Variants in NTNG1 observed in about 807,000 individuals in gnomAD.
NTNG1 encodes netrin-G1.
A neutral mutation model predicts 54.0 loss-of-function variants in NTNG1; 16 were observed. The observed-to-expected ratio is 0.30, with a 90% CI of 0.20 to 0.45. The LOEUF (loss-of-function observed/expected upper bound fraction) is 0.45. Among genes scored for constraint, NTNG1 ranks in the 20% least tolerant of loss-of-function variants. The probability of loss-of-function intolerance (pLI) is 1.00; values close to 1 mark genes in which losing one functional copy is unlikely to be tolerated. For missense variants in NTNG1, 530 were observed against 678.7 expected (o/e 0.78, Z 2.43); for synonymous variants, 255 against 263.1 (o/e 0.97, Z 0.30).
intron 3 of NTNG1, among the ~76,000 whole-genome samples, chr1:107,367,749 G>GT (rs980387172): frequency 2.6e-5 from 4 of 151,642 alleles, no homozygotes; most frequent in South Asian, 2.1e-4. Context: ...TTTTGTTTCT[G>GT]TTTTTTTGTT....
intron 2 of NTNG1, among the ~76,000 whole-genome samples, chr1:107,155,861 G>A (rs1654953259): frequency 1.3e-5 from 2 of 152,114 alleles, no homozygotes. Context: ...TTAAAATGCT[G>A]TATTTTTACG....
chr1:107,446,658 T>C (rs1350668900), intron 7 of NTNG1, among the ~76,000 whole-genome samples: 1 of 152,096 alleles, frequency 6.6e-6, no homozygotes, highest in Non-Finnish European at 1.5e-5. Flanking sequence ...TTCAGTGTGA[T>C]TGAGCCCATT....
chr1:107,330,582 A>G (rs1209008281), intron 3 of NTNG1, among the ~76,000 whole-genome samples: 2 of 152,120 alleles, frequency 1.3e-5, no homozygotes, highest in Non-Finnish European at 2.9e-5. Flanking sequence ...CCAAAACTAA[A>G]ATGGGGAATA....
intron 2 of NTNG1, among the ~76,000 whole-genome samples, chr1:107,158,812 C>A (rs973460116): frequency 1.3e-5 from 2 of 151,890 alleles, no homozygotes; most frequent in African/African-American, 2.4e-5. Flanking sequence ...TGAAGCCTGC[C>A]GAGAAGTTAA....
At chr1:107,348,903 A>G (rs1403907679) in intron 3 of NTNG1, among the ~76,000 whole-genome samples, 1 of 152,180 alleles carries the variant, frequency 6.6e-6, no homozygotes, top group Non-Finnish European at 1.5e-5. Flanking sequence ...CTCTACAGTC[A>G]AAGTTCTCTT....
chr1:107,453,106 C>A (rs921760870), intron 7 of NTNG1, among the ~76,000 whole-genome samples: 1 of 152,124 alleles, frequency 6.6e-6, no homozygotes, highest in African/African-American at 2.4e-5. Flanking sequence ...TGAGACTGTT[C>A]GGTGTCTCAA....
intron 2 of NTNG1, among the ~76,000 whole-genome samples, chr1:107,297,089 AC>A (rs1665990819): frequency 2.3e-5 from 1 of 43,054 alleles, no homozygotes; most frequent in Non-Finnish European, 5.7e-5. Flanking sequence ...AGATGAGGAC[AC>A]ACACACACAC....
intron 2 of NTNG1, among the ~76,000 whole-genome samples, chr1:107,311,185 C>T (rs896644876): frequency 6.6e-6 from 1 of 152,114 alleles, no homozygotes; most frequent in African/African-American, 2.4e-5. Flanking sequence ...AATTTACAAC[C>T]GTGCCATTCA....
intron 2 of NTNG1, among the ~76,000 whole-genome samples, chr1:107,231,586 T>G (rs1309788384): frequency 1.3e-5 from 2 of 152,174 alleles, no homozygotes; most frequent in African/African-American, 4.8e-5. Context: ...CATTGCCAAA[T>G]TAATTACAAT....
At position 107,439,277 on chromosome 1, in the gene NTNG1, C is replaced by CGTGTGTGTGT. The variant is rs3064151; in HGVS notation, c.1390+2498_1390+2507dup. On this transcript the variant is annotated intron_variant, in intron 7 of 7. Transcript: ENST00000370068. The stretch of plus-strand genomic sequence containing the variant: ...CTAACACACTGTGTTCCAGAACTTG[C>CGTGTGTGTGT]GTGTGTGTGTGTGTGTGTGTGTGTG... Among the ~76,000 whole-genome samples the CGTGTGTGTGT allele has an allele frequency of 9.5e-3, 1,388 of 145,868 alleles. 6 individuals are homozygous for CGTGTGTGTGT. The highest frequency in any genetic ancestry group is 0.037 in the East Asian group (182 of 4,866).
Position 107,157,054 on chromosome 1 carries a change from C to T in NTNG1, c.246+8215C>T, listed in dbSNP as rs139530954. ...ACACACGGCCAAAACAAAAGCTTCA[C>T]AAAACAGAGCTTACACTTTCTATGT... On this transcript the variant is annotated intron_variant, in intron 2 of 7. Transcript: ENST00000370068. Among the ~76,000 whole-genome samples, 206 of 152,246 alleles carry T rather than the reference C, an allele frequency of 1.4e-3. 1 individual carries two copies. Among genetic ancestry groups the T allele is most frequent in the African/African-American group, 4.7e-3 (196 of 41,572 alleles).
chr1:107,330,688 G>A (rs1668224691), intron 3 of NTNG1: 1 of 152,016 alleles, frequency 6.6e-6, no homozygotes. Flanking sequence ...TTCTAGTTAG[G>A]GATTTGAAAA....
intron 7 of NTNG1, among the ~76,000 whole-genome samples, chr1:107,438,236 G>A (rs1429605956): frequency 1.3e-5 from 2 of 152,164 alleles, no homozygotes; most frequent in African/African-American, 2.4e-5. Context: ...GCATTGAGCA[G>A]GCCAAGGTTA....
rs1167978595 is a variant in NTNG1 at position 107,406,333 on chromosome 1, C to G, written c.1061-1349C>G. On this transcript the variant is annotated intron_variant, in intron 4 of 7. Transcript: ENST00000370068. ...ACCTTAATGATTTTCACAGTTACCACCTGTTACTATACTTCAATGATGTGA... is the reference window on the plus strand; with the variant it reads ...ACCTTAATGATTTTCACAGTTACCAGCTGTTACTATACTTCAATGATGTGA... Among the ~76,000 whole-genome samples the G allele has an allele frequency of 4.6e-5, 7 of 152,294 alleles. No homozygotes were observed. The South Asian group carries it at 1.2e-3, about 27-fold the overall frequency.
chr1:107,384,235 C>G (rs985731271), intron 3 of NTNG1, among the ~76,000 whole-genome samples: 3 of 152,198 alleles, frequency 2.0e-5, no homozygotes, highest in African/African-American at 7.2e-5. Context: ...GCAACTTTTA[C>G]TATTATCTAA....
At chr1:107,190,213 A>G (rs1488423223) in intron 2 of NTNG1, among the ~76,000 whole-genome samples, 2 of 152,088 alleles carry the variant, frequency 1.3e-5, no homozygotes, top group South Asian at 2.1e-4. Context: ...GTTTGGGAAA[A>G]TAACGTTTCG....
In NTNG1 at chr1:107,344,233, A is replaced by T. The variant is rs1241939213; in HGVS notation, c.887+19311A>T. Reference sequence around the variant, plus strand: ...TGCTTATGTTTGGAAACATTTACTAATTTATTTTCCCACTTAATTACAGGG... The same window carrying T: ...TGCTTATGTTTGGAAACATTTACTATTTTATTTTCCCACTTAATTACAGGG... On this transcript the variant is annotated intron_variant, in intron 3 of 7. Transcript: ENST00000370068. 1.3e-5 allele frequency among the ~76,000 whole-genome samples: 2 copies of T among 152,150 alleles called. 1 individual carries two copies. Among genetic ancestry groups the T allele is most frequent in the South Asian group, 4.1e-4 (2 of 4,824 alleles).
intron 2 of NTNG1, among the ~76,000 whole-genome samples, chr1:107,250,579 T>A (rs199931592): frequency 0.012 from 1,743 of 142,096 alleles, 31 homozygotes; most frequent in African/African-American, 0.042. Flanking sequence ...ATAAAAAAAA[T>A]AAAAAAAATA....
At chr1:107,299,248 T>A (rs1254944196) in intron 2 of NTNG1, among the ~76,000 whole-genome samples, 1 of 152,144 alleles carries the variant, frequency 6.6e-6, no homozygotes, top group Non-Finnish European at 1.5e-5. Context: ...AATATATATG[T>A]TTCTTTTAAT....
Sources: allele counts gnomAD v4.1 joint callset (sites outside exome capture counted in the v4.1 genomes callset), GRCh38; gene constraint gnomAD v4.1.1; transcripts MANE v1.5; gene names NCBI Gene and HGNC (gene_info 2026-07-23, HGNC 2026-07-21).